The following TAF3 variants were observed in gnomAD, a reference collection of about 807,000 sequenced individuals.
TAF3 encodes TATA-box binding protein associated factor 3.
In TAF3, 7 loss-of-function variants were observed where a neutral mutation model predicts 80.6. That is an observed-to-expected ratio of 0.09 (90% confidence interval 0.05 to 0.16). The LOEUF (loss-of-function observed/expected upper bound fraction) is 0.16. Ranked by LOEUF, TAF3 falls within the 10% of genes least tolerant of loss-of-function variation. The probability of loss-of-function intolerance (pLI) is 1.00; values close to 1 mark genes in which losing one functional copy is unlikely to be tolerated. For synonymous variants in TAF3, 444 were observed against 446.1 expected (o/e 1.00, Z 0.06); for missense variants, 921 against 1,140.2 (o/e 0.81, Z 2.77).
chr10:7,824,173 T>C, intron 1 of TAF3, 145 bp from the exon 2 acceptor site: 1 of 977,934 alleles, frequency 1.0e-6, no homozygotes, highest in Non-Finnish European at 1.5e-6. Context: ...GTGATACTCT[T>C]TAAAATCTAT....
At chr10:7,862,962 A>G (rs917901677) in intron 2 of TAF3, among the ~76,000 whole-genome samples, 1 of 152,078 alleles carries the variant, frequency 6.6e-6, no homozygotes, top group African/African-American at 2.4e-5. Flanking sequence ...GGGATTTTTT[A>G]CTGTCTTGGA....
chr10:7,837,476 C>T (rs1836863935), intron 2 of TAF3, among the ~76,000 whole-genome samples: 1 of 152,076 alleles, frequency 6.6e-6, no homozygotes, highest in Non-Finnish European at 1.5e-5. Flanking sequence ...AACCTCGTCT[C>T]TACTAAAAAT....
chr10:7,844,204 A>T (rs942509988), intron 2 of TAF3, among the ~76,000 whole-genome samples: 1 of 152,132 alleles, frequency 6.6e-6, no homozygotes, highest in East Asian at 1.9e-4. Flanking sequence ...GTGATATCCT[A>T]TCTGAAACTG....
At chr10:7,866,946 T>C (rs1393223605) in intron 2 of TAF3, among the ~76,000 whole-genome samples, 1 of 152,104 alleles carries the variant, frequency 6.6e-6, no homozygotes, top group Non-Finnish European at 1.5e-5. Flanking sequence ...AATTCCAAAC[T>C]GAGGAAAGCA....
At chr10:8,014,552 T>A (rs1227595331) in intron 6 of TAF3, 85 bp from the exon 7 acceptor site, 3 of 1,194,508 alleles carry the variant, frequency 2.5e-6, no homozygotes, top group Non-Finnish European at 3.5e-6. Context: ...TGTCATAGAC[T>A]CTAAAAAATT....
chr10:7,923,654 A>G (rs1837787835), intron 2 of TAF3, among the ~76,000 whole-genome samples: 1 of 151,798 alleles, frequency 6.6e-6, no homozygotes, highest in South Asian at 2.1e-4. Context: ...CCTGTATTCA[A>G]TAGAGTAGCG....
intron 2 of TAF3, among the ~76,000 whole-genome samples, chr10:7,843,461 T>C (rs1163605346): frequency 6.6e-6 from 1 of 152,206 alleles, no homozygotes; most frequent in East Asian, 1.9e-4. Context: ...TTTGATCTGC[T>C]TTTAGTTGTA....
intron 2 of TAF3, among the ~76,000 whole-genome samples, chr10:7,871,216 A>T (rs1228238317): frequency 6.6e-6 from 1 of 152,052 alleles, no homozygotes; most frequent in Non-Finnish European, 1.5e-5. Flanking sequence ...TGTAAATCAG[A>T]CTTGCATATG....
intron 2 of TAF3, among the ~76,000 whole-genome samples, chr10:7,874,756 G>A (rs1377734906): frequency 4.6e-5 from 7 of 151,606 alleles, no homozygotes; most frequent in Non-Finnish European, 7.4e-5. Flanking sequence ...TAGGTGAAAT[G>A]TAGATTGCAT....
At chr10:7,918,990 G>A (rs550722048) in intron 2 of TAF3, among the ~76,000 whole-genome samples, 1 of 152,192 alleles carries the variant, frequency 6.6e-6, no homozygotes, top group Admixed American at 6.5e-5. Flanking sequence ...TGAGGGGGCT[G>A]TGATGGAGGT....
At chr10:8,005,172 T>C (rs1831980005) in intron 4 of TAF3, among the ~76,000 whole-genome samples, 1 of 152,246 alleles carries the variant, frequency 6.6e-6, no homozygotes, top group South Asian at 2.1e-4. Context: ...TTTTTAACAT[T>C]GTAAGCAAAG....
chr10:7,910,841 T>A (rs917353153), intron 2 of TAF3, among the ~76,000 whole-genome samples: 1 of 152,236 alleles, frequency 6.6e-6, no homozygotes, highest in East Asian at 1.9e-4. Context: ...CTAGATTTTT[T>A]AAAAAATAGA....
At chr10:7,863,445 T>C (rs1353550824) in intron 2 of TAF3, among the ~76,000 whole-genome samples, 1 of 151,040 alleles carries the variant, frequency 6.6e-6, no homozygotes, top group African/African-American at 2.4e-5. Flanking sequence ...ACCCCGTCTC[T>C]ACTGAAAATA....
chr10:7,990,874 G>A (rs1051956357), intron 4 of TAF3, among the ~76,000 whole-genome samples: 5 of 152,084 alleles, frequency 3.3e-5, no homozygotes, highest in Admixed American at 2.6e-4. Context: ...TCACTGTCCT[G>A]CCTGCTTGTC....
intron 2 of TAF3, among the ~76,000 whole-genome samples, chr10:7,879,813 A>G (rs1346143433): frequency 1.3e-5 from 2 of 152,190 alleles, no homozygotes; most frequent in Middle Eastern, 3.2e-3. Context: ...AAAAATAATG[A>G]TGCAATTAAA....
chr10:7,863,876 A>G (rs1837182385), intron 2 of TAF3, among the ~76,000 whole-genome samples: 1 of 151,678 alleles, frequency 6.6e-6, no homozygotes, highest in African/African-American at 2.4e-5. Context: ...TAAATATTTC[A>G]TATTTTCAAT....
intron 2 of TAF3, among the ~76,000 whole-genome samples, chr10:7,857,083 C>T (rs575299195): frequency 4.6e-5 from 7 of 152,294 alleles, no homozygotes; most frequent in Admixed American, 2.0e-4. Flanking sequence ...ATAGTTCCAA[C>T]GTGAATGTTG....
chr10:7,843,058 G>A (rs1836934143), intron 2 of TAF3, among the ~76,000 whole-genome samples: 1 of 152,178 alleles, frequency 6.6e-6, no homozygotes, highest in East Asian at 1.9e-4. Flanking sequence ...CTGCTTTCTG[G>A]TTAAGTGAGG....
chr10:7,936,401 A>G (rs1837920803), intron 2 of TAF3, among the ~76,000 whole-genome samples: 1 of 152,174 alleles, frequency 6.6e-6, no homozygotes, highest in African/African-American at 2.4e-5. Context: ...GCATTATACG[A>G]TTAAGGATCA....
Sources: gnomAD v4.1 joint callset for allele counts (sites outside exome capture counted in the v4.1 genomes callset) on GRCh38, gnomAD v4.1.1 for gene constraint, MANE v1.5 for transcripts, NCBI Gene and HGNC (gene_info 2026-07-23, HGNC 2026-07-21) for gene names.